NFIA: variants seen among roughly 807,000 people sequenced by gnomAD.
The protein encoded by NFIA is nuclear factor I A.
In NFIA, 8 loss-of-function variants were observed where a neutral mutation model predicts 62.8. That is an observed-to-expected ratio of 0.13 (90% CI 0.07 to 0.23). The LOEUF is 0.23. Ranked by LOEUF, NFIA falls within the 10% of genes least tolerant of loss-of-function variation. NFIA has a pLI of 1.00. For missense variants in NFIA, 410 were observed against 642.1 expected (o/e 0.64, Z 3.91); for synonymous variants, 235 against 238.1 (o/e 0.99, Z 0.12).
chr1:61,104,425 T>G (rs1023296228), intron 2 of NFIA, among the ~76,000 whole-genome samples: 1 of 152,096 alleles, frequency 6.6e-6, no homozygotes, highest in Non-Finnish European at 1.5e-5. Flanking sequence ...TTAGATATAG[T>G]GAAGTCAGAA....
chr1:61,084,615 T>C (rs968924141), intron 1 of NFIA, among the ~76,000 whole-genome samples: 2 of 152,208 alleles, frequency 1.3e-5, no homozygotes, highest in Non-Finnish European at 1.5e-5. Flanking sequence ...AAGTTCTAGC[T>C]GGCAGAAGTT....
At chr1:61,121,588 T>C (rs889057436) in intron 2 of NFIA, among the ~76,000 whole-genome samples, 1 of 152,202 alleles carries the variant, frequency 6.6e-6, no homozygotes, top group African/African-American at 2.4e-5. Flanking sequence ...TCAGCACAAA[T>C]AGAGTTTTCT....
At chr1:61,183,982 G>A (rs1008962912) in intron 2 of NFIA, among the ~76,000 whole-genome samples, 15 of 151,928 alleles carry the variant, frequency 9.9e-5, no homozygotes, top group African/African-American at 2.9e-4. Context: ...GAAAGTTTAC[G>A]GTTAATATTT....
chr1:61,203,884 C>T (rs1005011809), intron 2 of NFIA, among the ~76,000 whole-genome samples: 1 of 152,134 alleles, frequency 6.6e-6, no homozygotes, highest in Non-Finnish European at 1.5e-5. Flanking sequence ...TCTGTACATC[C>T]CCAAGATCGT....
intron 4 of NFIA, among the ~76,000 whole-genome samples, chr1:61,339,857 A>T (rs1313092267): frequency 2.6e-5 from 4 of 152,064 alleles, no homozygotes; most frequent in Non-Finnish European, 4.4e-5. Flanking sequence ...CCACCCTTAG[A>T]CTGACTCTGT....
intron 2 of NFIA, among the ~76,000 whole-genome samples, chr1:61,231,402 T>G (rs1654662911): frequency 6.6e-6 from 1 of 152,236 alleles, no homozygotes; most frequent in Admixed American, 6.5e-5. Context: ...TTGCCACTGC[T>G]TACCATTTCT....
At chr1:61,235,355 C>A (rs1425550804) in intron 2 of NFIA, among the ~76,000 whole-genome samples, 1 of 151,360 alleles carries the variant, frequency 6.6e-6, no homozygotes, top group East Asian at 1.9e-4. Flanking sequence ...CCCAGCTACT[C>A]GGGAGGCTGA....
chr1:61,433,158 C>A (rs757754462), intron 10 of NFIA, among the ~76,000 whole-genome samples: 1 of 152,126 alleles, frequency 6.6e-6, no homozygotes, highest in Non-Finnish European at 1.5e-5. Context: ...GAAGTTAGTC[C>A]CAGTGCTCCC....
At chr1:61,124,945 G>A (rs12142294) in intron 2 of NFIA, 11,616 of 152,194 alleles carry the variant, frequency 0.076, 446 homozygotes, top group East Asian at 0.097. Flanking sequence ...AGAGAGCCCA[G>A]CAGCTTCCAA....
At chr1:61,082,530 A>G, upstream of NFIA, 2 of 1,371,898 alleles carry the variant, frequency 1.5e-6, no homozygotes, top group South Asian at 1.6e-5. Flanking sequence ...TACAGTAGGC[A>G]TGTATAGTGG....
intron 2 of NFIA, among the ~76,000 whole-genome samples, chr1:61,182,567 C>T (rs1054345418): frequency 1.3e-5 from 2 of 151,952 alleles, no homozygotes; most frequent in African/African-American, 4.8e-5. Context: ...TGTGTAGGGA[C>T]GTAAAATCTT....
rs1230644429 is a variant in NFIA, at chr1:61,200,064, A to ATATG, written c.560-77446_560-77443dup. Among the ~76,000 whole-genome samples the ATATG allele has an allele frequency of 1.6e-3, 71 of 45,118 alleles. 1 individual carries two copies. Among genetic ancestry groups the ATATG allele is most frequent in the Admixed American group, 2.0e-3 (8 of 3,984 alleles). The allele number at this position is 45,118 out of a possible 152,430, so 29.6% of individuals were successfully genotyped here. A position where few individuals can be genotyped will look rare whatever the true frequency, so the allele number is the denominator to read the frequency against. ...TATATATATATATATATATATATAT[A>ATATG]TATGTATGTATGTTGAGCTAGAATT... On this transcript the variant is annotated intron_variant, in intron 2 of 10. Coordinates refer to ENST00000403491, the MANE Select transcript of NFIA (RefSeq NM_001134673.4).
At position 61,459,130 on chromosome 1, in the gene NFIA, T is replaced by G. The variant is rs1302591196; in HGVS notation, c.*3810T>G. 6.6e-6 allele frequency: 1 copy of G among 152,196 alleles called. No homozygotes were observed. The highest frequency in any genetic ancestry group is 1.5e-5 in the Non-Finnish European group (1 of 68,054). 9.4% of individuals were successfully genotyped at this position (152,196 alleles called of 1,614,324 possible). Reference sequence around the variant, plus strand: ...GAGGAAGACTTTGCTACCTGGGGTGTGTAGACAGACAGACTGAGAGCTATC... The same window carrying G: ...GAGGAAGACTTTGCTACCTGGGGTGGGTAGACAGACAGACTGAGAGCTATC... On this transcript the variant is annotated 3_prime_UTR_variant, in exon 11 of 11. Coordinates refer to ENST00000403491, the MANE Select transcript of NFIA (RefSeq NM_001134673.4).
intron 4 of NFIA, among the ~76,000 whole-genome samples, chr1:61,348,913 CA>C (rs1332992123): frequency 6.6e-6 from 1 of 152,158 alleles, no homozygotes; most frequent in Non-Finnish European, 1.5e-5. Context: ...TTGTGAAAAA[CA>C]TCTAAATCCA....
chr1:61,262,909 C>T (rs1656858534), intron 2 of NFIA, among the ~76,000 whole-genome samples: 1 of 152,164 alleles, frequency 6.6e-6, no homozygotes, highest in African/African-American at 2.4e-5. Flanking sequence ...TTCCATCCAT[C>T]CCCAACACTA....
intron 2 of NFIA, among the ~76,000 whole-genome samples, chr1:61,207,030 G>A (rs1652941953): frequency 6.6e-6 from 1 of 152,180 alleles, no homozygotes; most frequent in East Asian, 1.9e-4. Flanking sequence ...TCCATGCAAA[G>A]AAAGTCATTA....
rs765302321 is a variant in NFIA, at chr1:61,088,646, C to T, written c.525C>T (p.Leu175=). The T allele has an allele frequency of 5.0e-6, 8 of 1,613,546 alleles. No homozygotes were observed. The highest frequency in any genetic ancestry group is 1.7e-4 in the Middle Eastern group (1 of 6,058). Residue 175 remains leucine, a synonymous_variant, in exon 2 of 11, where the codon CTC becomes CTT. Coordinates refer to ENST00000403491, the MANE Select transcript of NFIA (RefSeq NM_001134673.4). This position sits in a 1 kb window ranked among gnomAD's most constrained non-coding sequence, Gnocchi z 4.5. ...ACATAGGGGTTTCTGTTAAGGAACT[C>T]GATTTATATTTGGCATACTTTGTGC... ...PHHIGVSVKE[L]DLYLAYFVHA... is the part of the protein sequence containing the mutation.
rs554729430 is a variant in NFIA at position 61,461,385 on chromosome 1, T to A, written c.*6065T>A. 3.9e-5 allele frequency: 6 copies of A among 152,310 alleles called. No individual in the cohort carries two copies. The East Asian group carries it at 9.6e-4, about 24-fold the overall frequency. The allele number at this position is 152,310 out of a possible 1,614,324, so 9.4% of individuals were successfully genotyped here. A position where few individuals can be genotyped will look rare whatever the true frequency, so the allele number is the denominator to read the frequency against. On this transcript the variant is annotated 3_prime_UTR_variant, in exon 11 of 11. Transcript: ENST00000403491. ...AACTCTGTACAAACTTTGGGCCCGA[T>A]TCATAAGAAAAAGAAGTTTGCTATT...
At chr1:61,202,761 G>A (rs1310664029) in intron 2 of NFIA, among the ~76,000 whole-genome samples, 1 of 152,172 alleles carries the variant, frequency 6.6e-6, no homozygotes, top group Non-Finnish European at 1.5e-5. Flanking sequence ...AGGAGAATTA[G>A]CAGGATGTAA....
Sources: gnomAD v4.1 joint callset for allele counts (sites outside exome capture counted in the v4.1 genomes callset) on GRCh38, gnomAD v4.1.1 for gene constraint, Gnocchi (gnomAD v3.1) non-coding constraint, MANE v1.5 for transcripts, NCBI Gene and HGNC (gene_info 2026-07-23, HGNC 2026-07-21) for gene names.